Variants in GPR83 observed in about 807,000 individuals in gnomAD.
GPR83 encodes G-protein coupled receptor 72.
In GPR83, 23 loss-of-function variants were observed where a neutral mutation model predicts 28.0. That is an observed-to-expected ratio of 0.82 (90% confidence interval 0.59 to 1.16). The LOEUF is 1.16. Ranked by LOEUF, GPR83 falls within the 50% of genes most tolerant of loss-of-function variation. The pLI is 0.00. For synonymous variants in GPR83, 234 were observed against 215.4 expected, an observed-to-expected ratio of 1.09 and a Z score of -0.76; for missense variants, 610 against 536.6, an observed-to-expected ratio of 1.14 and a Z score of -1.35.
intron 3 of GPR83, among the ~76,000 whole-genome samples, chr11:94,383,371 C>G (rs1350791384): frequency 6.6e-6 from 1 of 152,028 alleles, no homozygotes; most frequent in Non-Finnish European, 1.5e-5. Context: ...TAAGTGCCCA[C>G]AAGAGAAAGC....
In GPR83 at chr11:94,378,491, C is replaced by G. The variant is rs1027680338; in HGVS notation, c.*1658G>C. 2.0e-5 allele frequency: 3 copies of G among 152,188 alleles called. No homozygotes were observed. The highest frequency in any genetic ancestry group is 2.0e-4 in the Admixed American group (3 of 15,282). The allele number at this position is 152,188 out of a possible 1,614,324, so 9.4% of individuals were successfully genotyped here. ...CTTTTCTGGGTGACACAGTGAGTCA[C>G]TCAGGACCAGACAGAAGGTGATAAA... is the stretch of plus-strand genomic sequence containing the variant. On this transcript the variant is annotated 3_prime_UTR_variant, in exon 4 of 4. Transcript: ENST00000243673.
rs563749699 is a variant in GPR83, at chr11:94,377,737, A to G, written c.*2412T>C. 2 of 152,232 alleles carry G rather than the reference A, an allele frequency of 1.3e-5. No homozygotes were observed. The highest frequency in any genetic ancestry group is 4.1e-4 in the South Asian group (2 of 4,830). 9.4% of individuals were successfully genotyped at this position (152,232 alleles called of 1,614,324 possible). On this transcript the variant is annotated 3_prime_UTR_variant, in exon 4 of 4. Transcript: ENST00000243673. ...GGCTTTGTGTTAAATGATTTTTCCC[A>G]GCTGTAGGCTAATATAAGTGTTCTC...
chr11:94,400,913 T>C lies in GPR83; in HGVS notation c.335A>G (p.Asn112Ser), dbSNP rs1179356822. The change falls in exon 1 of 4, where the codon AAC (asparagine) becomes AGC (serine). Residue 112 changes from asparagine to serine, a missense_variant. By Grantham distance (46) the Asn-to-Ser change is conservative. Coordinates refer to ENST00000243673, the MANE Select transcript of GPR83 (RefSeq NM_016540.4). ...MHSATSLFIV[N>S]LAVADIMITL... ...GATCATTATGTCGGCAACTGCCAGG[T>C]TGACGATGAAGAGGCTGGTGGCCGA... 2 of 1,614,086 alleles carry C rather than the reference T, an allele frequency of 1.2e-6. No individual in the cohort carries two copies. The highest frequency in any genetic ancestry group is 2.2e-5 in the East Asian group (1 of 44,868).
chr11:94,396,011 G>A (rs754395681), intron 2 of GPR83, among the ~76,000 whole-genome samples: 1 of 152,226 alleles, frequency 6.6e-6, no homozygotes, highest in African/African-American at 2.4e-5. Flanking sequence ...CCTGAGGTCA[G>A]GAGTTCGAGA....
At chr11:94,397,591 C>T (rs1455726626) in intron 1 of GPR83, among the ~76,000 whole-genome samples, 1 of 152,246 alleles carries the variant, frequency 6.6e-6, no homozygotes, top group Non-Finnish European at 1.5e-5. Context: ...CTGAGCCCCA[C>T]TTTCCTCATC....
chr11:94,387,338 T>A (rs4753140), intron 3 of GPR83, among the ~76,000 whole-genome samples: 16,140 of 152,046 alleles, frequency 0.11, 951 homozygotes, highest in Middle Eastern at 0.16. Flanking sequence ...AGAGCAGAAC[T>A]GAAGGAGATA....
intron 3 of GPR83, among the ~76,000 whole-genome samples, chr11:94,382,343 C>CAAAAAAAAAAAAAA (rs57302833): frequency 1.5e-5 from 1 of 67,302 alleles, no homozygotes; most frequent in African/African-American, 6.3e-5. Flanking sequence ...AACACCATCT[C>CAAAAAAAAAAAAAA]AAAAAAAAAA....
intron 1 of GPR83, among the ~76,000 whole-genome samples, chr11:94,398,637 G>C (rs770864358): frequency 6.6e-6 from 1 of 152,180 alleles, no homozygotes; most frequent in Non-Finnish European, 1.5e-5. Flanking sequence ...GGAACTGTAA[G>C]TAATTGTCTG....
chr11:94,387,065 T>A (rs1420974571), intron 3 of GPR83, among the ~76,000 whole-genome samples: 3 of 152,162 alleles, frequency 2.0e-5, no homozygotes, highest in African/African-American at 2.4e-5. Flanking sequence ...AACAACCTGC[T>A]CCTGAATGAC....
chr11:94,398,358 C>T (rs138707027), intron 1 of GPR83, among the ~76,000 whole-genome samples: 73 of 152,276 alleles, frequency 4.8e-4, no homozygotes, highest in African/African-American at 1.7e-3. Context: ...CCCACTCCTC[C>T]GCTGTGCTTC....
chr11:94,398,473 G>A (rs891913521), intron 1 of GPR83, among the ~76,000 whole-genome samples: 10 of 152,088 alleles, frequency 6.6e-5, no homozygotes, highest in African/African-American at 2.4e-4. Context: ...TGCACTAAGT[G>A]TTCATCTCAA....
intron 2 of GPR83, among the ~76,000 whole-genome samples, chr11:94,395,757 C>A (rs1944859616): frequency 6.6e-5 from 10 of 152,230 alleles, no homozygotes. Context: ...GCAATGCCTG[C>A]TCCTGCCACC....
chr11:94,377,808 T>C lies in GPR83; in HGVS notation c.*2341A>G, dbSNP rs921874113. On this transcript the variant is annotated 3_prime_UTR_variant, in exon 4 of 4. Transcript: ENST00000243673. ...GGCTAAGCTACGATGTTCAGTAGGTTGGGTGTATTCAATGCATTTTCAACT... is the reference window on the plus strand; with the variant it reads ...GGCTAAGCTACGATGTTCAGTAGGTCGGGTGTATTCAATGCATTTTCAACT... 6.6e-6 allele frequency: 1 copy of C among 152,210 alleles called. No individual in the cohort carries two copies. Among genetic ancestry groups the C allele is most frequent in the Non-Finnish European group, 1.5e-5 (1 of 68,044 alleles). 9.4% of individuals were successfully genotyped at this position (152,210 alleles called of 1,614,324 possible). A position where few individuals can be genotyped will look rare whatever the true frequency, so the allele number is the denominator to read the frequency against.
Position 94,396,612 on chromosome 11 carries a change from G to C in GPR83, c.388-88C>G, listed in dbSNP as rs1048629379. Reference sequence around the variant, plus strand: ...AGGTCTCTGAGGAGCATGCCCTTAGGGGGATTCCTCCAGCTCCTCCCTTCT... The same window carrying C: ...AGGTCTCTGAGGAGCATGCCCTTAGCGGGATTCCTCCAGCTCCTCCCTTCT... On this transcript the variant is annotated intron_variant, in intron 1 of 3. Transcript: ENST00000243673. The C allele has an allele frequency of 1.8e-5, 24 of 1,346,514 alleles. No homozygotes were observed. In the Admixed American group the frequency reaches 4.4e-4, roughly 25 times the overall value. 83.4% of individuals were successfully genotyped at this position (1,346,514 alleles called of 1,614,324 possible). A position where few individuals can be genotyped will look rare whatever the true frequency, so the allele number is the denominator to read the frequency against.
At chr11:94,393,416 A>G in intron 3 of GPR83, 69 bp downstream of exon 3, 5 of 1,468,812 alleles carry the variant, frequency 3.4e-6, no homozygotes, top group Non-Finnish European at 4.7e-6. Context: ...GGCCTCAGGT[A>G]TCCCTTGGTG....
At chr11:94,389,305 A>G (rs1944791334) in intron 3 of GPR83, among the ~76,000 whole-genome samples, 1 of 152,240 alleles carries the variant, frequency 6.6e-6, no homozygotes, top group Non-Finnish European at 1.5e-5. Flanking sequence ...AACGGCAACA[A>G]AAGCCAAAAT....
intron 1 of GPR83, among the ~76,000 whole-genome samples, chr11:94,397,321 G>A (rs1273947694): frequency 1.3e-5 from 2 of 152,222 alleles, no homozygotes; most frequent in Non-Finnish European, 2.9e-5. Context: ...ATGCCTGAGA[G>A]AGATTGAGCA....
At chr11:94,390,441 C>T (rs1043896518) in intron 3 of GPR83, among the ~76,000 whole-genome samples, 2 of 152,160 alleles carry the variant, frequency 1.3e-5, no homozygotes, top group African/African-American at 2.4e-5. Context: ...CTCACCACTC[C>T]TATTCAACGT....
chr11:94,386,137 T>A (rs1196332208), intron 3 of GPR83, among the ~76,000 whole-genome samples: 1 of 152,072 alleles, frequency 6.6e-6, no homozygotes, highest in Non-Finnish European at 1.5e-5. Flanking sequence ...ACGTTACAGA[T>A]AAGCAAATGC....
Sources: allele counts gnomAD v4.1 joint callset (sites outside exome capture counted in the v4.1 genomes callset), GRCh38; gene constraint gnomAD v4.1.1; transcripts MANE v1.5; gene names NCBI Gene and HGNC (gene_info 2026-07-23, HGNC 2026-07-21).